Variants in DLG2 observed in about 807,000 individuals in gnomAD.
DLG2 encodes the protein discs large MAGUK scaffold protein 2.
In DLG2, 45 loss-of-function variants were observed where a neutral mutation model predicts 132.5. The ratio of observed to expected loss-of-function variants is 0.34; its 90% CI spans 0.27 to 0.44. The LOEUF is 0.44. Among genes scored for constraint, DLG2 ranks in the 20% least tolerant of loss-of-function variants. The pLI, the probability that DLG2 is intolerant of heterozygous loss-of-function variation, is 1.00. For missense variants in DLG2, 1,045 were observed against 1,196.9 expected (o/e 0.87, Z 1.87); for synonymous variants, 424 against 419.6 (o/e 1.01, Z -0.13).
chr11:83,578,719 A>G (rs1169206522), intron 19 of DLG2, among the ~76,000 whole-genome samples: 1 of 152,222 alleles, frequency 6.6e-6, no homozygotes, highest in African/African-American at 2.4e-5. Flanking sequence ...ATCTTTATTC[A>G]TGTAATAACA....
chr11:83,924,471 A>C (rs2078563688), intron 15 of DLG2, among the ~76,000 whole-genome samples: 1 of 152,102 alleles, frequency 6.6e-6, no homozygotes, highest in Non-Finnish European at 1.5e-5. Context: ...CTTCTCTGAG[A>C]AGTAAATTTT....
At chr11:85,189,005 T>C (rs1033487283) in intron 4 of DLG2, among the ~76,000 whole-genome samples, 2 of 151,788 alleles carry the variant, frequency 1.3e-5, no homozygotes, top group African/African-American at 2.4e-5. Flanking sequence ...AAAACCAGAA[T>C]AGAAAAAATG....
chr11:84,732,435 C>T (rs1371554950), intron 6 of DLG2, among the ~76,000 whole-genome samples: 2 of 151,962 alleles, frequency 1.3e-5, no homozygotes, highest in Admixed American at 1.3e-4. Context: ...CTGGTATTGT[C>T]AATCATTTTC....
chr11:84,250,750 G>A (rs2097361486), intron 8 of DLG2, among the ~76,000 whole-genome samples: 1 of 152,152 alleles, frequency 6.6e-6, no homozygotes, highest in African/African-American at 2.4e-5. Flanking sequence ...TCATGCTCAT[G>A]CTTTCATAAA....
intron 6 of DLG2, among the ~76,000 whole-genome samples, chr11:84,705,748 T>G (rs180846500): frequency 6.6e-6 from 1 of 151,660 alleles, no homozygotes; most frequent in Non-Finnish European, 1.5e-5. Flanking sequence ...TGAAGTGGAG[T>G]TCAGTAGAAA....
rs377345562 is a variant in DLG2, at chr11:85,298,974, A to G, written c.41-13609T>C. 2.3e-4 allele frequency among the ~76,000 whole-genome samples: 35 copies of G among 152,276 alleles called. No homozygotes were observed. In the East Asian group the frequency reaches 4.6e-3, roughly 20 times the overall value. On this transcript the variant is annotated intron_variant, in intron 3 of 27. Coordinates refer to ENST00000376104, the MANE Select transcript of DLG2 (RefSeq NM_001142699.3). ...AAAATAAATTTTAAAAATTATTTCT[A>G]AAAAACAAAGAAAGAAAATTACATC... is the stretch of plus-strand genomic sequence containing the variant.
intron 6 of DLG2, among the ~76,000 whole-genome samples, chr11:84,734,323 G>A (rs1382759734): frequency 1.3e-5 from 2 of 152,100 alleles, no homozygotes; most frequent in Non-Finnish European, 2.9e-5. Context: ...TTGAGCAGTG[G>A]TTTGCAGTTC....
intron 3 of DLG2, among the ~76,000 whole-genome samples, chr11:85,504,505 C>A (rs2093881316): frequency 6.6e-6 from 1 of 152,134 alleles, no homozygotes. Flanking sequence ...TCAGGTTTAT[C>A]AAATATCAGA....
At chr11:84,903,376 T>A (rs1344240951) in intron 6 of DLG2, among the ~76,000 whole-genome samples, 1 of 152,188 alleles carries the variant, frequency 6.6e-6, no homozygotes, top group East Asian at 1.9e-4. Flanking sequence ...CTTTAAGAGT[T>A]GAAAATTTCC....
intron 14 of DLG2, among the ~76,000 whole-genome samples, chr11:83,936,279 A>G (rs2081416141): frequency 6.6e-6 from 1 of 152,216 alleles, no homozygotes. Flanking sequence ...TTTGCTCTGT[A>G]TATTTAAAAG....
In DLG2 at chr11:85,396,572, G is replaced by A. The variant is rs1283885094; in HGVS notation, c.41-111207C>T. Reference sequence around the variant, plus strand: ...GGCTAACTAAAATAAACAGTGTAGAGAAGATCTTAAATGACCTGATGGAGG... The same window carrying A: ...GGCTAACTAAAATAAACAGTGTAGAAAAGATCTTAAATGACCTGATGGAGG... On this transcript the variant is annotated intron_variant, in intron 3 of 27. Transcript: ENST00000376104. 7.2e-5 allele frequency among the ~76,000 whole-genome samples: 11 copies of A among 152,220 alleles called. No homozygotes were observed. The South Asian group carries it at 1.5e-3, about 20-fold the overall frequency.
intron 7 of DLG2, among the ~76,000 whole-genome samples, chr11:84,346,439 C>T (rs7111688): frequency 0.058 from 8,882 of 152,182 alleles, 360 homozygotes; most frequent in Non-Finnish European, 0.098. Context: ...AAGTGGTAAG[C>T]GTAAATCTTG....
At chr11:84,060,038 C>T (rs6592158) in intron 10 of DLG2, among the ~76,000 whole-genome samples, 120,364 of 151,570 alleles carry the variant, frequency 0.79, 49,011 homozygotes, top group Middle Eastern at 0.92. Flanking sequence ...TTAGGTTGGG[C>T]GCAGTGGCTC....
chr11:84,109,649 T>C (rs1188290406), intron 9 of DLG2, among the ~76,000 whole-genome samples: 1 of 152,198 alleles, frequency 6.6e-6, no homozygotes, highest in African/African-American at 2.4e-5. Context: ...TCTCATTAGC[T>C]CCCAACATAG....
At chr11:84,664,853 A>G (rs1380826636) in intron 6 of DLG2, among the ~76,000 whole-genome samples, 1 of 152,106 alleles carries the variant, frequency 6.6e-6, no homozygotes, top group Non-Finnish European at 1.5e-5. Context: ...ATGATTGTTA[A>G]CACCCCTCCA....
chr11:83,833,478 A>G (rs2055179010), intron 17 of DLG2, 136 bp downstream of exon 17: 1 of 900,332 alleles, frequency 1.1e-6, no homozygotes, highest in Non-Finnish European at 1.7e-6. Flanking sequence ...AAATTGTGAC[A>G]TGCACCAGAA....
At chr11:84,436,590 A>G (rs2099001472) in intron 7 of DLG2, among the ~76,000 whole-genome samples, 1 of 152,224 alleles carries the variant, frequency 6.6e-6, no homozygotes, top group Non-Finnish European at 1.5e-5. Context: ...TTGATTCCCT[A>G]AATATGACAG....
chr11:85,318,646 G>C (rs946525435), intron 3 of DLG2, among the ~76,000 whole-genome samples: 3 of 151,662 alleles, frequency 2.0e-5, no homozygotes, highest in Admixed American at 2.0e-4. Flanking sequence ...GAAAATATTA[G>C]AGAAGGAGGA....
At chr11:85,485,700 T>C (rs189070044) in intron 3 of DLG2, among the ~76,000 whole-genome samples, 2 of 152,296 alleles carry the variant, frequency 1.3e-5, no homozygotes, top group East Asian at 3.9e-4. Flanking sequence ...TTTGCATTCT[T>C]GGCTATGAGA....
Sources: allele counts gnomAD v4.1 joint callset (sites outside exome capture counted in the v4.1 genomes callset), GRCh38; gene constraint gnomAD v4.1.1; transcripts MANE v1.5; gene names NCBI Gene and HGNC (gene_info 2026-07-23, HGNC 2026-07-21).